MND1: variants seen among roughly 807,000 people sequenced by gnomAD.
MND1 encodes the protein meiotic nuclear division protein 1 homolog.
Under a neutral mutation model 35.1 loss-of-function variants are expected in MND1, and 28 were observed. That is an observed-to-expected ratio of 0.80 (90% CI 0.59 to 1.09). MND1 has a LOEUF of 1.09. MND1 is among the 50% of genes least tolerant of loss of function. The pLI is 0.00. For synonymous variants in MND1, 69 were observed against 70.5 expected, an observed-to-expected ratio of 0.98 and a Z score of 0.11; for missense variants, 213 against 239.6, an observed-to-expected ratio of 0.89 and a Z score of 0.73.
At chr4:153,378,445 G>T (rs1368762495) in intron 4 of MND1, among the ~76,000 whole-genome samples, 6 of 152,122 alleles carry the variant, frequency 3.9e-5, no homozygotes, top group Admixed American at 2.6e-4. Context: ...CATAAAAGGG[G>T]GTTCTATAAT....
In MND1 at chr4:153,414,949, G is replaced by A. The variant is rs1260789004; in HGVS notation, c.*92G>A. The A allele has an allele frequency of 1.9e-6, 1 of 519,584 alleles. No homozygotes were observed. The highest frequency in any genetic ancestry group is 3.4e-6 in the Non-Finnish European group (1 of 294,856). 32.2% of individuals were successfully genotyped at this position (519,584 alleles called of 1,614,324 possible). ...AAGTGTACTGAATTGTCGTTTGCCTGTAACTGTGTTTATCATTTTATTAAT... is the reference window on the plus strand; with the variant it reads ...AAGTGTACTGAATTGTCGTTTGCCTATAACTGTGTTTATCATTTTATTAAT... On this transcript the variant is annotated 3_prime_UTR_variant, in exon 8 of 8. Coordinates refer to ENST00000240488, the MANE Select transcript of MND1 (RefSeq NM_032117.4).
chr4:153,411,951 C>T (rs1314235765), intron 7 of MND1, among the ~76,000 whole-genome samples: 1 of 152,134 alleles, frequency 6.6e-6, no homozygotes, highest in East Asian at 1.9e-4. Context: ...TCTTATGTAG[C>T]AGCAGACATA....
At chr4:153,388,976 G>A (rs946839369) in intron 4 of MND1, among the ~76,000 whole-genome samples, 8 of 152,142 alleles carry the variant, frequency 5.3e-5, no homozygotes, top group Non-Finnish European at 1.2e-4. Context: ...CTGAATCTGG[G>A]GCTTTTATGG....
intron 1 of MND1, chr4:153,345,590 G>C (rs1474643225): frequency 1.2e-5 from 11 of 944,586 alleles, no homozygotes; most frequent in Non-Finnish European, 1.4e-5. Context: ...CGTTTTTTCT[G>C]CTTCAGTTGG....
intron 7 of MND1, among the ~76,000 whole-genome samples, chr4:153,412,416 C>A (rs1444911689): frequency 6.6e-6 from 1 of 151,870 alleles, no homozygotes; most frequent in Non-Finnish European, 1.5e-5. Context: ...GGTTTGGTTT[C>A]TCCAGGTCTT....
chr4:153,399,048 A>G lies in MND1; in HGVS notation c.466+1715A>G, dbSNP rs900644950. On this transcript the variant is annotated intron_variant, in intron 6 of 7. Coordinates refer to ENST00000240488, the MANE Select transcript of MND1 (RefSeq NM_032117.4). The stretch of plus-strand genomic sequence containing the variant: ...TACTTTCAGGTGATTTATTTTCAGG[A>G]TAGCATGACTGTGCCCTCTAGCAGT... Among the ~76,000 whole-genome samples the G allele has an allele frequency of 1.2e-4, 18 of 152,336 alleles. No homozygotes were observed. The East Asian group carries it at 3.1e-3, about 26-fold the overall frequency.
chr4:153,391,268 A>AT (rs1729025591), intron 4 of MND1, among the ~76,000 whole-genome samples: 2 of 151,910 alleles, frequency 1.3e-5, no homozygotes, highest in Non-Finnish European at 2.9e-5. Context: ...GGTTCAAGCG[A>AT]TTCTTGTGCC....
intron 4 of MND1, among the ~76,000 whole-genome samples, chr4:153,372,615 C>T (rs1773819017): frequency 6.6e-6 from 1 of 152,172 alleles, no homozygotes; most frequent in Non-Finnish European, 1.5e-5. Flanking sequence ...TCCTTCCCTA[C>T]ACTGCTCCCC....
At chr4:153,378,280 C>G (rs1728567086) in intron 4 of MND1, among the ~76,000 whole-genome samples, 1 of 151,868 alleles carries the variant, frequency 6.6e-6, no homozygotes, top group South Asian at 2.1e-4. Flanking sequence ...GATTTTTTTT[C>G]TAGAACTCAG....
intron 1 of MND1, 149 bp downstream of exon 1, chr4:153,344,889 G>A: frequency 7.8e-7 from 1 of 1,281,752 alleles, no homozygotes; most frequent in South Asian, 1.7e-5. Flanking sequence ...ACCGTGTAGG[G>A]GCCCAGCCCG....
chr4:153,384,160 C>T (rs1728783627), intron 4 of MND1, among the ~76,000 whole-genome samples: 1 of 150,758 alleles, frequency 6.6e-6, no homozygotes, highest in Non-Finnish European at 1.5e-5. Context: ...TATCTCTTAA[C>T]TACTTCTTAA....
intron 1 of MND1, among the ~76,000 whole-genome samples, chr4:153,349,317 C>G (rs565092476): frequency 6.6e-6 from 1 of 152,104 alleles, no homozygotes; most frequent in Non-Finnish European, 1.5e-5. Flanking sequence ...GGCCTTTCCC[C>G]CTTCCATCTT....
chr4:153,383,356 G>T (rs1728761158), intron 4 of MND1, among the ~76,000 whole-genome samples: 1 of 152,198 alleles, frequency 6.6e-6, no homozygotes, highest in Non-Finnish European at 1.5e-5. Context: ...AAAATAGAAT[G>T]TGTTTTCTAC....
At chr4:153,344,763 C>T in intron 1 of MND1, 23 bp downstream of exon 1, 2 of 1,600,296 alleles carry the variant, frequency 1.2e-6, no homozygotes, top group Non-Finnish European at 8.5e-7. Flanking sequence ...GCTACGGTCC[C>T]GCGTCTTCTT....
At chr4:153,366,108 T>C (rs1480807357) in intron 4 of MND1, among the ~76,000 whole-genome samples, 1 of 152,216 alleles carries the variant, frequency 6.6e-6, no homozygotes, top group Non-Finnish European at 1.5e-5. Context: ...CTGCCAGCAT[T>C]CTTTGACTTG....
intron 2 of MND1, among the ~76,000 whole-genome samples, chr4:153,350,609 T>G (rs569863221): frequency 2.6e-4 from 39 of 152,336 alleles, no homozygotes; most frequent in African/African-American, 8.7e-4. Context: ...CCTTCATTTA[T>G]TCCAGATATT....
chr4:153,389,965 C>T (rs113698214), intron 4 of MND1, among the ~76,000 whole-genome samples: 1 of 151,980 alleles, frequency 6.6e-6, no homozygotes, highest in African/African-American at 2.4e-5. Flanking sequence ...GGCCCCACCC[C>T]AGATGTGCTA....
intron 7 of MND1, among the ~76,000 whole-genome samples, chr4:153,409,944 C>T (rs1010251106): frequency 2.0e-5 from 3 of 151,976 alleles, no homozygotes; most frequent in Non-Finnish European, 1.5e-5. Flanking sequence ...GGTGATTTCC[C>T]CCAGTATTTT....
chr4:153,384,112 A>G (rs62324668), intron 4 of MND1, among the ~76,000 whole-genome samples: 28,011 of 151,980 alleles, frequency 0.18, 2,742 homozygotes, highest in African/African-American at 0.24. Flanking sequence ...GACCAAGTTC[A>G]TTGTCCTGAC....
Sources: allele counts gnomAD v4.1 joint callset (sites outside exome capture counted in the v4.1 genomes callset), GRCh38; gene constraint gnomAD v4.1.1; transcripts MANE v1.5; gene names NCBI Gene and HGNC (gene_info 2026-07-23, HGNC 2026-07-21).